The following ZNF454 variants were observed in gnomAD, a reference collection of about 807,000 sequenced individuals.
ZNF454 encodes the protein zinc finger protein 454.
In ZNF454, 30 loss-of-function variants were observed where a neutral mutation model predicts 48.2. The ratio of observed to expected loss-of-function variants is 0.62; its 90% CI spans 0.47 to 0.84. The LOEUF (loss-of-function observed/expected upper bound fraction) is 0.84, where lower values mean the gene tolerates loss of function less well. Among genes scored for constraint, ZNF454 ranks in the 40% least tolerant of loss-of-function variants. ZNF454 has a pLI of 0.00. For synonymous variants in ZNF454, 204 were observed against 211.4 expected (o/e 0.97, Z 0.30); for missense variants, 510 against 623.1 (o/e 0.82, Z 1.93).
chr5:178,959,894 C>T (rs3857415), intron 4 of ZNF454, among the ~76,000 whole-genome samples: 40,812 of 150,680 alleles, frequency 0.27, 6,235 homozygotes, highest in East Asian at 0.41. Context: ...CATGAGCCAC[C>T]GTGCCCGGCC....
chr5:178,962,276 G>T (rs1760033063), intron 4 of ZNF454, among the ~76,000 whole-genome samples: 1 of 150,914 alleles, frequency 6.6e-6, no homozygotes, highest in African/African-American at 2.4e-5. Flanking sequence ...TGTATCATTT[G>T]TTTTTTTCAA....
chr5:178,987,919 C>A, the ZNF454 span, among the ~76,000 whole-genome samples: 2 of 142,966 alleles, frequency 1.4e-5, no homozygotes, highest in African/African-American at 5.1e-5. Flanking sequence ...GTCGCCATGC[C>A]CAGCTAATTT....
chr5:178,981,958 G>C, the ZNF454 span: 1 of 846,806 alleles, frequency 1.2e-6, no homozygotes, highest in Non-Finnish European at 2.1e-6. The surrounding 1 kb of genome is among the most constrained non-coding windows in gnomAD (Gnocchi z 5.1). Flanking sequence ...GTTTCAGTTG[G>C]GGAACTGGGA....
the ZNF454 span, among the ~76,000 whole-genome samples, chr5:178,984,787 G>C: frequency 2.2e-4 from 33 of 152,090 alleles, no homozygotes; most frequent in African/African-American, 7.7e-4. Flanking sequence ...TGTGTGGAAC[G>C]AATAGAGAAG....
chr5:178,989,031 G>A, the ZNF454 span: 1 of 1,613,918 alleles, frequency 6.2e-7, no homozygotes, highest in African/African-American at 1.3e-5. Flanking sequence ...CAGAGCGCCT[G>A]GTGCATGCTG....
At chr5:178,943,087 T>A (rs79770517) in intron 2 of ZNF454, among the ~76,000 whole-genome samples, 266 of 152,342 alleles carry the variant, frequency 1.7e-3, no homozygotes, top group Middle Eastern at 0.01. Flanking sequence ...AAACCTGTAC[T>A]CTTTTCACTA....
At chr5:178,985,698 G>A in the ZNF454 span, 48 of 310,728 alleles carry the variant, frequency 1.5e-4, no homozygotes, top group Non-Finnish European at 1.8e-4. Flanking sequence ...GCGAGACTCT[G>A]TCTAAAAAAA....
At position 178,965,730 on chromosome 5, in the gene ZNF454, T is replaced by C; in HGVS notation, c.1326T>C (p.Cys442=). 1 of 1,614,124 alleles carries C rather than the reference T, an allele frequency of 6.2e-7. No homozygotes were observed. The highest frequency in any genetic ancestry group is 2.2e-5 in the East Asian group (1 of 44,860). ...ATACTGGGGAAAAACCTTATACATG[T>C]AACATATGTGAAAAAGCCTTCAGTG... ...RIHTGEKPYT[C]NICEKAFSDH... The change falls in exon 5 of 5, where the codon TGT becomes TGC. Residue 442 remains cysteine (C), a synonymous_variant. Transcript: ENST00000519564. The surrounding 1 kb of genome is among the most constrained non-coding windows in gnomAD (Gnocchi z 5.2).
downstream of ZNF454, among the ~76,000 whole-genome samples, chr5:178,969,154 C>G (rs1760206824): frequency 6.6e-6 from 1 of 152,200 alleles, no homozygotes; most frequent in Non-Finnish European, 1.5e-5. Context: ...GACGAGCTCA[C>G]TGCACGGCCT....
the ZNF454 span, chr5:178,976,096 GC>G: frequency 2.2e-6 from 1 of 455,122 alleles, no homozygotes; most frequent in Admixed American, 2.4e-5. Context: ...CTTGGGCCTT[GC>G]ACTTGCCACT....
In ZNF454 at chr5:178,946,344, A is replaced by G. The variant is rs754851442; in HGVS notation, c.34-15A>G. ...GGGTAGCCCCTGGTCAAGGAGAATG[A>G]ATTTGCTGTTGCAGGAATCGGTGAC... On this transcript the variant is annotated splice_polypyrimidine_tract_variant and intron_variant, in intron 2 of 4. Transcript: ENST00000519564. This position sits in a 1 kb window ranked among gnomAD's most constrained non-coding sequence, Gnocchi z 4.5. 1 of 1,610,812 alleles carries G rather than the reference A, an allele frequency of 6.2e-7. No individual in the cohort carries two copies. The highest frequency in any genetic ancestry group is 8.5e-7 in the Non-Finnish European group (1 of 1,178,856).
intron 2 of ZNF454, among the ~76,000 whole-genome samples, chr5:178,943,761 C>A (rs1193834798): frequency 1.3e-5 from 2 of 152,198 alleles, no homozygotes; most frequent in Admixed American, 1.3e-4. Context: ...CGCGGTGGCT[C>A]ACGCCTGTAA....
the ZNF454 span, among the ~76,000 whole-genome samples, chr5:178,971,616 A>G: frequency 2.7e-5 from 4 of 149,992 alleles, no homozygotes; most frequent in Non-Finnish European, 5.9e-5. Context: ...TGGGAGGCAG[A>G]GACGGGCAGA....
chr5:178,983,615 C>T, the ZNF454 span: 17 of 383,426 alleles, frequency 4.4e-5, no homozygotes, highest in Non-Finnish European at 7.3e-5. Context: ...AGGCCCTACT[C>T]GCATCGCCTC....
At position 178,952,039 on chromosome 5, in the gene ZNF454, G is replaced by GTT. The variant is rs1230428854; in HGVS notation, c.250+5068_250+5069dup. 2.0e-3 allele frequency among the ~76,000 whole-genome samples: 271 copies of GTT among 137,592 alleles called. 7 individuals carry two copies. In the East Asian group the frequency reaches 0.034, roughly 17 times the overall value. 90.3% of individuals were successfully genotyped at this position (137,592 alleles called of 152,430 possible). A position where few individuals can be genotyped will look rare whatever the true frequency, so the allele number is the denominator to read the frequency against. On this transcript the variant is annotated intron_variant, in intron 4 of 4. Coordinates refer to ENST00000519564, the MANE Select transcript of ZNF454 (RefSeq NM_001178089.3). Reference sequence around the variant, plus strand: ...CATTACTAGTGAGGTTGAACATCTTGTTTTTTTTTTTTTTTTGAGACGGAG... The same window carrying GTT: ...CATTACTAGTGAGGTTGAACATCTTGTTTTTTTTTTTTTTTTTTGAGACGGAG...
At chr5:178,979,088 C>T in the ZNF454 span, 1 of 152,176 alleles carries the variant, frequency 6.6e-6, no homozygotes, top group Non-Finnish European at 1.5e-5. Context: ...CTCGTCTCTA[C>T]AAAAAATAAA....
Position 178,942,832 on chromosome 5 carries a change from G to A in ZNF454, c.33+8G>A, listed in dbSNP as rs1230863439. 2 of 1,611,664 alleles carry A rather than the reference G, an allele frequency of 1.2e-6. No homozygotes were observed. The highest frequency in any genetic ancestry group is 2.7e-5 in the African/African-American group (2 of 74,796). ...CTGCCAACCATGGTCCAGGTGAGTG[G>A]GGGTTTCTTCCCCCTAAATTGCTTT... is the stretch of plus-strand genomic sequence containing the variant. On this transcript the variant is annotated splice_region_variant and intron_variant, in intron 2 of 4. Coordinates refer to ENST00000519564, the MANE Select transcript of ZNF454 (RefSeq NM_001178089.3).
At chr5:178,949,252 A>G (rs1759463850) in intron 4 of ZNF454, among the ~76,000 whole-genome samples, 1 of 151,708 alleles carries the variant, frequency 6.6e-6, no homozygotes, top group Non-Finnish European at 1.5e-5. Flanking sequence ...AGGTTTTGTC[A>G]TGTTGGCCAG....
chr5:178,968,529 T>C (rs1168798665), downstream of ZNF454, among the ~76,000 whole-genome samples: 2 of 152,214 alleles, frequency 1.3e-5, no homozygotes, highest in Admixed American at 1.3e-4. Flanking sequence ...TTCTTCCCTA[T>C]TAAGCTGCAT....
Sources: gnomAD v4.1 joint callset for allele counts (sites outside exome capture counted in the v4.1 genomes callset) on GRCh38, gnomAD v4.1.1 for gene constraint, Gnocchi (gnomAD v3.1) non-coding constraint, MANE v1.5 for transcripts, NCBI Gene and HGNC (gene_info 2026-07-23, HGNC 2026-07-21) for gene names.